Variants in TSHZ2 observed in about 807,000 individuals in gnomAD.
TSHZ2 encodes the protein teashirt zinc finger homeobox 2.
In TSHZ2, 21 loss-of-function variants were observed where a neutral mutation model predicts 74.4. The ratio of observed to expected loss-of-function variants is 0.28; its 90% confidence interval spans 0.20 to 0.41. The LOEUF is 0.41. Among genes scored for constraint, TSHZ2 ranks in the 10% least tolerant of loss-of-function variants. The pLI is 1.00. For missense variants in TSHZ2, 1,244 were observed against 1,293.5 expected (o/e 0.96, Z 0.59); for synonymous variants, 540 against 515.3 (o/e 1.05, Z -0.65).
At chr20:53,454,346 G>A (rs1041178627) in intron 2 of TSHZ2, among the ~76,000 whole-genome samples, 7 of 151,938 alleles carry the variant, frequency 4.6e-5, no homozygotes, top group East Asian at 1.9e-4. Context: ...GGCAGATCAC[G>A]AGGTCAGGAT....
chr20:53,162,004 G>C (rs770299015), intron 1 of TSHZ2, among the ~76,000 whole-genome samples: 5 of 152,128 alleles, frequency 3.3e-5, no homozygotes, highest in Non-Finnish European at 7.3e-5. Flanking sequence ...CAACTTGTTT[G>C]GAGTCACATA....
chr20:53,300,462 C>T (rs532715208), intron 2 of TSHZ2, among the ~76,000 whole-genome samples: 40 of 152,222 alleles, frequency 2.6e-4, no homozygotes, highest in Middle Eastern at 6.8e-3. Flanking sequence ...TCTGATGTTC[C>T]CCTGGAAGAG....
intron 2 of TSHZ2, among the ~76,000 whole-genome samples, chr20:53,480,009 G>A (rs1012022739): frequency 1.3e-5 from 2 of 151,914 alleles, no homozygotes; most frequent in African/African-American, 2.4e-5. Context: ...AGGACGAGGC[G>A]GGAGGATCAC....
chr20:52,996,995 G>C (rs1295759771), intron 1 of TSHZ2, among the ~76,000 whole-genome samples: 1 of 151,970 alleles, frequency 6.6e-6, no homozygotes, highest in Non-Finnish European at 1.5e-5. Context: ...TAATTAAATT[G>C]AGCTCGCTCA....
At chr20:53,019,460 A>C (rs1167905723) in intron 1 of TSHZ2, among the ~76,000 whole-genome samples, 2 of 152,118 alleles carry the variant, frequency 1.3e-5, no homozygotes, top group East Asian at 3.9e-4. Flanking sequence ...CTCTGTGGCC[A>C]AGGAGAGGAG....
chr20:53,388,486 G>A (rs372127827), intron 2 of TSHZ2, among the ~76,000 whole-genome samples: 2 of 152,256 alleles, frequency 1.3e-5, no homozygotes. Context: ...ACTGAAGGTG[G>A]GTGAAACCCA....
chr20:53,242,933 T>G (rs377128223), intron 1 of TSHZ2, among the ~76,000 whole-genome samples: 9 of 152,314 alleles, frequency 5.9e-5, no homozygotes, highest in Admixed American at 6.5e-5. Context: ...ACCTGCCCTC[T>G]GGGAGCTTAC....
At chr20:53,082,413 A>T (rs561476273) in intron 1 of TSHZ2, among the ~76,000 whole-genome samples, 32 of 152,350 alleles carry the variant, frequency 2.1e-4, no homozygotes, top group Non-Finnish European at 3.5e-4. Flanking sequence ...ACTGAGTGGG[A>T]GGCACCATTA....
At chr20:53,285,250 C>T (rs1375520380) in intron 2 of TSHZ2, among the ~76,000 whole-genome samples, 1 of 152,152 alleles carries the variant, frequency 6.6e-6, no homozygotes, top group South Asian at 2.1e-4. Flanking sequence ...AACGTGAATG[C>T]GGGCAGTGAT....
chr20:52,979,217 C>G (rs1033804721), intron 1 of TSHZ2, among the ~76,000 whole-genome samples: 3 of 151,790 alleles, frequency 2.0e-5, no homozygotes, highest in Non-Finnish European at 4.4e-5. Context: ...CTTTCATTCA[C>G]TTGTTTTGGG....
chr20:53,260,169 G>C (rs1036713450), intron 2 of TSHZ2, among the ~76,000 whole-genome samples: 15 of 152,120 alleles, frequency 9.9e-5, no homozygotes, highest in African/African-American at 3.6e-4. Context: ...ATTTAACAAT[G>C]GAAGTATAAT....
intron 2 of TSHZ2, among the ~76,000 whole-genome samples, chr20:53,299,190 A>G (rs1433969358): frequency 6.6e-6 from 1 of 152,226 alleles, no homozygotes; most frequent in Non-Finnish European, 1.5e-5. Context: ...TTATAGCAGC[A>G]CTAGAATGTT....
intron 1 of TSHZ2, among the ~76,000 whole-genome samples, chr20:53,223,600 T>TACA (rs1348166281): frequency 5.3e-5 from 8 of 152,144 alleles, no homozygotes; most frequent in African/African-American, 1.9e-4. Flanking sequence ...CTTGCTATGT[T>TACA]GCCCAGGCTG....
chr20:53,324,944 TAAAC>T (rs926771392), intron 2 of TSHZ2, among the ~76,000 whole-genome samples: 7 of 152,152 alleles, frequency 4.6e-5, no homozygotes, highest in Admixed American at 6.5e-5. Flanking sequence ...AAAGTAATAA[TAAAC>T]AGAGTGACAA....
intron 2 of TSHZ2, among the ~76,000 whole-genome samples, chr20:53,429,380 A>G (rs564464967): frequency 2.6e-5 from 4 of 152,252 alleles, no homozygotes; most frequent in South Asian, 2.1e-4. Context: ...CTGAATTCCC[A>G]CGTGTTGTGG....
At chr20:53,411,117 G>A (rs1568905615) in intron 2 of TSHZ2, among the ~76,000 whole-genome samples, 1 of 152,118 alleles carries the variant, frequency 6.6e-6, no homozygotes, top group East Asian at 1.9e-4. Context: ...CAGCATTTTG[G>A]GGGTATCTTC....
At chr20:53,097,225 CAG>C (rs72445692) in intron 1 of TSHZ2, among the ~76,000 whole-genome samples, 2,043 of 152,274 alleles carry the variant, frequency 0.013, 60 homozygotes, top group African/African-American at 0.047. Flanking sequence ...TAAACCCACT[CAG>C]GGGACAGAAT....
At chr20:53,325,249 A>G (rs1433416567) in intron 2 of TSHZ2, among the ~76,000 whole-genome samples, 1 of 152,160 alleles carries the variant, frequency 6.6e-6, no homozygotes, top group South Asian at 2.1e-4. Context: ...TGCTCTGTGC[A>G]ATTTCACCTG....
At chr20:53,408,810 T>C (rs1240380381) in intron 2 of TSHZ2, among the ~76,000 whole-genome samples, 1 of 152,208 alleles carries the variant, frequency 6.6e-6, no homozygotes, top group Non-Finnish European at 1.5e-5. Context: ...ACTCTGTATA[T>C]CATCCTAGCT....
Sources: gnomAD v4.1 joint callset for allele counts (sites outside exome capture counted in the v4.1 genomes callset) on GRCh38, gnomAD v4.1.1 for gene constraint, MANE v1.5 for transcripts, NCBI Gene and HGNC (gene_info 2026-07-23, HGNC 2026-07-21) for gene names.